LRP1B: variants seen among roughly 807,000 people sequenced by gnomAD.
LRP1B encodes the protein LDL receptor related protein 1B, also known as low-density lipoprotein receptor-related protein 1B.
A neutral mutation model predicts 556.6 loss-of-function variants in LRP1B; 217 were observed. That is an observed-to-expected ratio of 0.39 (90% CI 0.35 to 0.44). The LOEUF is 0.44. Ranked by LOEUF, LRP1B falls within the 20% of genes least tolerant of loss-of-function variation. The probability of loss-of-function intolerance (pLI) is 1.00; values close to 1 mark genes in which losing one functional copy is unlikely to be tolerated. For synonymous variants in LRP1B, 2,047 were observed against 1,865.8 expected (o/e 1.10, Z -2.50); for missense variants, 5,053 against 5,620.8 (o/e 0.90, Z 3.23).
intron 32 of LRP1B, among the ~76,000 whole-genome samples, chr2:140,804,183 T>C (rs914635348): frequency 1.3e-5 from 2 of 152,004 alleles, no homozygotes; most frequent in African/African-American, 2.4e-5. Context: ...ATTATCAGAC[T>C]CCCCACCTTG....
chr2:140,348,673 A>G (rs1365829406), intron 77 of LRP1B, among the ~76,000 whole-genome samples: 2 of 152,146 alleles, frequency 1.3e-5, no homozygotes, highest in Non-Finnish European at 2.9e-5. Context: ...TCTAATCAAC[A>G]GCTTTGCCAT....
At chr2:140,587,382 A>G (rs1682028889) in intron 43 of LRP1B, among the ~76,000 whole-genome samples, 1 of 152,170 alleles carries the variant, frequency 6.6e-6, no homozygotes, top group Non-Finnish European at 1.5e-5. Context: ...GAGACTATAA[A>G]CCCAAGACGC....
chr2:140,950,426 G>T (rs1384091263), intron 19 of LRP1B, 24 bp from the exon 20 acceptor site: 2 of 1,567,736 alleles, frequency 1.3e-6, no homozygotes, highest in Non-Finnish European at 1.7e-6. Context: ...TCAACATGAG[G>T]CAGTGAAATC....
intron 2 of LRP1B, among the ~76,000 whole-genome samples, chr2:141,620,747 G>GT (rs967579892): frequency 2.0e-5 from 3 of 151,726 alleles, no homozygotes; most frequent in Non-Finnish European, 2.9e-5. Context: ...CCACTGTTTT[G>GT]TTTTTTTCTT....
intron 1 of LRP1B, among the ~76,000 whole-genome samples, chr2:141,937,521 C>T (rs1700671575): frequency 6.6e-6 from 1 of 151,660 alleles, no homozygotes; most frequent in Non-Finnish European, 1.5e-5. Context: ...AAATTCTTCC[C>T]AAGATCGTCT....
intron 2 of LRP1B, among the ~76,000 whole-genome samples, chr2:141,512,551 T>C (rs995748032): frequency 6.6e-6 from 1 of 152,198 alleles, no homozygotes; most frequent in Non-Finnish European, 1.5e-5. Flanking sequence ...GCTTAGTTCC[T>C]GAATGACTTC....
intron 2 of LRP1B, among the ~76,000 whole-genome samples, chr2:141,591,761 C>T (rs1687350017): frequency 6.6e-6 from 1 of 151,938 alleles, no homozygotes; most frequent in African/African-American, 2.4e-5. Context: ...ATGATTAAGC[C>T]TATAAAAAAT....
chr2:141,912,666 C>T (rs73964835), intron 1 of LRP1B, among the ~76,000 whole-genome samples: 11,136 of 152,080 alleles, frequency 0.073, 1,341 homozygotes, highest in African/African-American at 0.25. Context: ...ACCCTGATTT[C>T]GTCTTGTTTC....
At chr2:141,535,348 T>C (rs1164763953) in intron 2 of LRP1B, among the ~76,000 whole-genome samples, 1 of 152,120 alleles carries the variant, frequency 6.6e-6, no homozygotes, top group African/African-American at 2.4e-5. Context: ...ATCTATAAAC[T>C]CTGCAGTATG....
intron 37 of LRP1B, among the ~76,000 whole-genome samples, chr2:140,710,848 A>G (rs1281617805): frequency 6.6e-6 from 1 of 152,074 alleles, no homozygotes; most frequent in African/African-American, 2.4e-5. Context: ...CAGAAGCTGA[A>G]ACCCATTTTA....
chr2:141,911,607 T>G (rs1699909276), intron 1 of LRP1B, among the ~76,000 whole-genome samples: 1 of 152,210 alleles, frequency 6.6e-6, no homozygotes, highest in African/African-American at 2.4e-5. Flanking sequence ...CCATAGATAA[T>G]AAGTCCAGGC....
chr2:140,808,983 T>C (rs74779751), intron 32 of LRP1B, among the ~76,000 whole-genome samples: 15 of 152,090 alleles, frequency 9.9e-5, no homozygotes, highest in Non-Finnish European at 2.2e-4. Context: ...CTTTTTTTTT[T>C]CTACTAAAGT....
chr2:140,662,427 A>T (rs1685129732), intron 41 of LRP1B, among the ~76,000 whole-genome samples: 2 of 152,166 alleles, frequency 1.3e-5, no homozygotes, highest in African/African-American at 4.8e-5. Flanking sequence ...GTAATAATAC[A>T]AGGGAACTTA....
In LRP1B at chr2:141,019,697, C is replaced by G. The variant is rs557725633; in HGVS notation, c.1970+225G>C. 1.2e-4 allele frequency among the ~76,000 whole-genome samples: 19 copies of G among 152,070 alleles called. No individual in the cohort carries two copies. The South Asian group carries it at 3.7e-3, about 30-fold the overall frequency. Reference sequence around the variant, plus strand: ...CTAATTTTGAATAAATCAAGTAATACATCTTTGCGCAGTAATCTAATTCAG... The same window carrying G: ...CTAATTTTGAATAAATCAAGTAATAGATCTTTGCGCAGTAATCTAATTCAG... On this transcript the variant is annotated intron_variant, in intron 12 of 90. Coordinates refer to ENST00000389484, the MANE Select transcript of LRP1B (RefSeq NM_018557.3).
At chr2:140,268,225 T>C (rs1682297138) in intron 86 of LRP1B, among the ~76,000 whole-genome samples, 1 of 151,970 alleles carries the variant, frequency 6.6e-6, no homozygotes, top group Non-Finnish European at 1.5e-5. Flanking sequence ...GAAATGTTAA[T>C]GAATCTATTG....
Position 140,941,688 on chromosome 2 carries a change from C to G in LRP1B, c.3136+8547G>C, listed in dbSNP as rs149512710. 4.4e-4 allele frequency among the ~76,000 whole-genome samples: 67 copies of G among 152,232 alleles called. 1 individual carries two copies. The Middle Eastern group carries it at 0.02, about 46-fold the overall frequency. On this transcript the variant is annotated intron_variant, in intron 20 of 90. Coordinates refer to ENST00000389484, the MANE Select transcript of LRP1B (RefSeq NM_018557.3). Reference sequence around the variant, plus strand: ...TACAACCAAGTAACTCATACAGAACCTTGGCCCTCTGAAAGCACCTGCAAA... The same window carrying G: ...TACAACCAAGTAACTCATACAGAACGTTGGCCCTCTGAAAGCACCTGCAAA...
intron 3 of LRP1B, among the ~76,000 whole-genome samples, chr2:141,334,150 T>C (rs1687760266): frequency 6.6e-6 from 1 of 152,240 alleles, no homozygotes; most frequent in Admixed American, 6.5e-5. Context: ...ACATGATTAC[T>C]GAATGATATG....
At chr2:141,582,065 G>T (rs188861585) in intron 2 of LRP1B, among the ~76,000 whole-genome samples, 1 of 152,210 alleles carries the variant, frequency 6.6e-6, no homozygotes, top group East Asian at 1.9e-4. Flanking sequence ...TTCCCTAAGG[G>T]AATCTCTAAA....
At chr2:140,999,332 A>G (rs1034128518) in intron 15 of LRP1B, among the ~76,000 whole-genome samples, 1 of 152,066 alleles carries the variant, frequency 6.6e-6, no homozygotes, top group African/African-American at 2.4e-5. Context: ...GTCTAGTGCA[A>G]TGAGTATAGA....
Sources: gnomAD v4.1 joint callset for allele counts (sites outside exome capture counted in the v4.1 genomes callset) on GRCh38, gnomAD v4.1.1 for gene constraint, MANE v1.5 for transcripts, NCBI Gene and HGNC (gene_info 2026-07-23, HGNC 2026-07-21) for gene names.